Variants in GALNTL6 observed in about 807,000 individuals in gnomAD.
The protein encoded by GALNTL6 is polypeptide N-acetylgalactosaminyltransferase-like 6.
Under a neutral mutation model 73.7 loss-of-function variants are expected in GALNTL6, and 46 were observed. The ratio of observed to expected loss-of-function variants is 0.62; its 90% confidence interval spans 0.49 to 0.80. GALNTL6 has a LOEUF of 0.80. GALNTL6 is among the 30% of genes least tolerant of loss of function. GALNTL6 has a pLI of 0.00. For missense variants in GALNTL6, 604 were observed against 755.0 expected (o/e 0.80, Z 2.34); for synonymous variants, 259 against 263.7 (o/e 0.98, Z 0.17).
chr4:173,009,408 T>G (rs1207657271), intron 11 of GALNTL6, 114 bp downstream of exon 11: 1 of 685,560 alleles, frequency 1.5e-6, no homozygotes, highest in Non-Finnish European at 2.6e-6. Context: ...TTGTGGGACC[T>G]GGAGTGAGGC....
chr4:171,866,858 C>G (rs564258030), intron 2 of GALNTL6, among the ~76,000 whole-genome samples: 1 of 152,290 alleles, frequency 6.6e-6, no homozygotes, highest in East Asian at 1.9e-4. Flanking sequence ...TTAACTCCCA[C>G]AAGCCCCATC....
At chr4:171,923,713 T>G (rs115075765) in intron 2 of GALNTL6, among the ~76,000 whole-genome samples, 5,523 of 151,642 alleles carry the variant, frequency 0.036, 286 homozygotes, top group African/African-American at 0.11. Flanking sequence ...TTAAAAAGGC[T>G]TACTGGAATT....
chr4:172,755,240 A>AGATAGATAGAT (rs1737683429), intron 5 of GALNTL6, among the ~76,000 whole-genome samples: 1 of 150,498 alleles, frequency 6.6e-6, no homozygotes, highest in Admixed American at 6.6e-5. Context: ...TGACAGATAT[A>AGATAGATAGAT]GATAGATAGA....
intron 11 of GALNTL6, among the ~76,000 whole-genome samples, chr4:173,016,384 G>A (rs917088815): frequency 7.9e-5 from 12 of 152,344 alleles, no homozygotes; most frequent in East Asian, 5.8e-4. Flanking sequence ...GCCAGCCTGC[G>A]AAAGCAGCTG....
At chr4:172,365,770 A>C (rs1742536914) in intron 5 of GALNTL6, among the ~76,000 whole-genome samples, 2 of 152,112 alleles carry the variant, frequency 1.3e-5, no homozygotes, top group African/African-American at 4.8e-5. Context: ...TTAAGTAAGG[A>C]CAAAAGGTCC....
intron 2 of GALNTL6, among the ~76,000 whole-genome samples, chr4:171,908,015 A>T (rs900293024): frequency 1.3e-5 from 2 of 152,018 alleles, no homozygotes; most frequent in South Asian, 2.1e-4. Context: ...TAAAGACTTA[A>T]ACGTTAGACC....
chr4:172,761,426 G>A (rs1456464222), intron 5 of GALNTL6, among the ~76,000 whole-genome samples: 2 of 152,138 alleles, frequency 1.3e-5, no homozygotes, highest in South Asian at 2.1e-4. Flanking sequence ...TTTGGGATAA[G>A]CTACTAGAGA....
chr4:172,177,841 A>ATATATATACACACACATATATG lies in GALNTL6; in HGVS notation c.139-51814_139-51813insATATATACACACACATATATGT, dbSNP rs1560955731. On this transcript the variant is annotated intron_variant, in intron 2 of 12. Transcript: ENST00000506823. ...TGTGTATATATACACACACATATAT[A>ATATATATACACACACATATATG]TGTGTATATATATACACACATACTA... is the stretch of plus-strand genomic sequence containing the variant. 1.1e-3 allele frequency among the ~76,000 whole-genome samples: 35 copies of ATATATATACACACACATATATG among 30,646 alleles called. No individual in the cohort carries two copies. The East Asian group carries it at 0.025, about 22-fold the overall frequency. The allele number at this position is 30,646 out of a possible 152,430, so 20.1% of individuals were successfully genotyped here.
intron 5 of GALNTL6, among the ~76,000 whole-genome samples, chr4:172,779,881 C>T (rs2110893025): frequency 6.6e-6 from 1 of 152,104 alleles, no homozygotes; most frequent in Admixed American, 6.5e-5. Context: ...GTTGAGCTAA[C>T]CAAGCACATA....
intron 2 of GALNTL6, among the ~76,000 whole-genome samples, chr4:171,879,075 T>A (rs11733699): frequency 0.24 from 36,166 of 152,064 alleles, 4,460 homozygotes; most frequent in Middle Eastern, 0.32. Context: ...GTCTCAGTTA[T>A]TTTTTATAGT....
intron 5 of GALNTL6, among the ~76,000 whole-genome samples, chr4:172,758,449 T>C (rs1048130213): frequency 6.6e-6 from 1 of 152,084 alleles, no homozygotes; most frequent in African/African-American, 2.4e-5. Flanking sequence ...GGCAGGAGAA[T>C]TGCTTGAACC....
intron 4 of GALNTL6, among the ~76,000 whole-genome samples, chr4:172,317,277 AC>A (rs1740593515): frequency 6.6e-6 from 1 of 152,182 alleles, no homozygotes; most frequent in Non-Finnish European, 1.5e-5. Context: ...GACTTGCATG[AC>A]TTGCATTGTG....
At chr4:172,670,429 G>A (rs377649773) in intron 5 of GALNTL6, among the ~76,000 whole-genome samples, 18 of 152,042 alleles carry the variant, frequency 1.2e-4, no homozygotes, top group African/African-American at 4.3e-4. Flanking sequence ...TCATATGCAT[G>A]TTGGTTGCAT....
intron 7 of GALNTL6, among the ~76,000 whole-genome samples, chr4:172,834,238 C>T (rs1035432147): frequency 6.6e-6 from 1 of 152,194 alleles, no homozygotes; most frequent in Non-Finnish European, 1.5e-5. Flanking sequence ...TGGACCCACC[C>T]TGGGTTACCT....
At chr4:172,420,228 A>G (rs1311609602) in intron 5 of GALNTL6, among the ~76,000 whole-genome samples, 1 of 152,214 alleles carries the variant, frequency 6.6e-6, no homozygotes, top group Non-Finnish European at 1.5e-5. Flanking sequence ...TGACATGAAT[A>G]TCGTGATAAC....
intron 2 of GALNTL6, among the ~76,000 whole-genome samples, chr4:171,832,587 AG>A (rs1345537567): frequency 2.6e-5 from 4 of 151,678 alleles, no homozygotes; most frequent in African/African-American, 7.2e-5. Flanking sequence ...TGCAAAAAAA[AG>A]TATAGAGTAA....
chr4:171,874,344 C>T (rs1297168873), intron 2 of GALNTL6, among the ~76,000 whole-genome samples: 3 of 152,022 alleles, frequency 2.0e-5, no homozygotes, highest in African/African-American at 7.2e-5. Flanking sequence ...CATGCCCCAC[C>T]ATGCCAGGCT....
At chr4:172,764,514 G>T (rs1245927669) in intron 5 of GALNTL6, among the ~76,000 whole-genome samples, 1 of 151,756 alleles carries the variant, frequency 6.6e-6, no homozygotes. Flanking sequence ...ATATAAGAAT[G>T]ATGAAATAAA....
chr4:172,658,567 C>T (rs927934102), intron 5 of GALNTL6, among the ~76,000 whole-genome samples: 3 of 151,138 alleles, frequency 2.0e-5, no homozygotes, highest in African/African-American at 4.9e-5. Flanking sequence ...AAGGGGGAAA[C>T]GGGGACAGGG....
Sources: allele counts gnomAD v4.1 joint callset (sites outside exome capture counted in the v4.1 genomes callset), GRCh38; gene constraint gnomAD v4.1.1; transcripts MANE v1.5; gene names NCBI Gene and HGNC (gene_info 2026-07-23, HGNC 2026-07-21).